The following ZNF804A variants were observed in gnomAD, a reference collection of about 807,000 sequenced individuals.
ZNF804A encodes the protein zinc finger protein 804A.
Under a neutral mutation model 16.5 loss-of-function variants are expected in ZNF804A, and 2 were observed. The ratio of observed to expected loss-of-function variants is 0.12; its 90% CI spans 0.05 to 0.38. The LOEUF (loss-of-function observed/expected upper bound fraction) is 0.38, where lower values mean the gene tolerates loss of function less well. Ranked by LOEUF, ZNF804A falls within the 10% of genes least tolerant of loss-of-function variation. The pLI is 0.99. For synonymous variants in ZNF804A, 534 were observed against 489.6 expected (o/e 1.09, Z -1.20); for missense variants, 1,473 against 1,390.7 (o/e 1.06, Z -0.94).
intron 1 of ZNF804A, among the ~76,000 whole-genome samples, chr2:184,773,795 T>C (rs1286528727): frequency 1.3e-5 from 2 of 151,826 alleles, no homozygotes; most frequent in Admixed American, 6.6e-5. Flanking sequence ...CCAAAATCCA[T>C]TGAAATAAAA....
chr2:184,718,685 A>G (rs569632521), intron 1 of ZNF804A, among the ~76,000 whole-genome samples: 2 of 152,248 alleles, frequency 1.3e-5, no homozygotes, highest in South Asian at 4.1e-4. Flanking sequence ...CCTTGACTCC[A>G]TGTCTCACAT....
intron 1 of ZNF804A, among the ~76,000 whole-genome samples, chr2:184,778,118 A>C (rs1283941486): frequency 1.3e-5 from 2 of 151,678 alleles, no homozygotes; most frequent in African/African-American, 4.8e-5. Flanking sequence ...TTATGCTGCA[A>C]AGTAGCTGTG....
intron 1 of ZNF804A, among the ~76,000 whole-genome samples, chr2:184,758,385 TAC>T (rs1693990326): frequency 2.0e-5 from 3 of 151,870 alleles, no homozygotes; most frequent in Non-Finnish European, 2.9e-5. Flanking sequence ...GTCACTACAC[TAC>T]TTTAGGTGTT....
intron 1 of ZNF804A, among the ~76,000 whole-genome samples, chr2:184,802,892 T>C (rs149352547): frequency 6.6e-6 from 1 of 152,320 alleles, no homozygotes; most frequent in East Asian, 1.9e-4. Context: ...ACTCAGACTT[T>C]AGATGTAAAT....
Position 184,671,427 on chromosome 2 carries a change from A to G in ZNF804A, c.111+72357A>G, listed in dbSNP as rs376029683. Among the ~76,000 whole-genome samples, 26 of 152,282 alleles carry G rather than the reference A, an allele frequency of 1.7e-4. 2 individuals carry two copies. The highest frequency in any genetic ancestry group is 6.0e-4 in the African/African-American group (25 of 41,560). On this transcript the variant is annotated intron_variant, in intron 1 of 3. Transcript: ENST00000302277. ...GCTGTGGATTCTTTCTTGAGTAGTT[A>G]CAAGAGACTGGGGAGTCCCTGCAGG...
intron 1 of ZNF804A, among the ~76,000 whole-genome samples, chr2:184,677,017 AC>A (rs1376428824): frequency 1.3e-5 from 2 of 151,862 alleles, no homozygotes; most frequent in African/African-American, 2.4e-5. Flanking sequence ...GGAGTTAAAA[AC>A]ATTGAACTTT....
At chr2:184,925,529 A>G (rs1314961274) in intron 2 of ZNF804A, among the ~76,000 whole-genome samples, 1 of 151,852 alleles carries the variant, frequency 6.6e-6, no homozygotes, top group Non-Finnish European at 1.5e-5. Context: ...AGTTTAGTCC[A>G]TGTATGCTTA....
At chr2:184,701,251 C>T (rs1474458252) in intron 1 of ZNF804A, among the ~76,000 whole-genome samples, 2 of 151,744 alleles carry the variant, frequency 1.3e-5, no homozygotes, top group Non-Finnish European at 3.0e-5. Context: ...GCCACAAAAA[C>T]AATGTTACGA....
chr2:184,762,486 A>T (rs571727499), intron 1 of ZNF804A, among the ~76,000 whole-genome samples: 1 of 152,104 alleles, frequency 6.6e-6, no homozygotes, highest in East Asian at 1.9e-4. Flanking sequence ...TTATAAAATT[A>T]AAAAATATTG....
intron 1 of ZNF804A, among the ~76,000 whole-genome samples, chr2:184,715,151 A>T (rs979155151): frequency 1.3e-5 from 2 of 152,124 alleles, no homozygotes; most frequent in African/African-American, 4.8e-5. Flanking sequence ...AGTCTTCAGG[A>T]TTCAAGATTC....
chr2:184,821,799 A>G (rs1365720136), intron 1 of ZNF804A, among the ~76,000 whole-genome samples: 1 of 152,182 alleles, frequency 6.6e-6, no homozygotes, highest in Non-Finnish European at 1.5e-5. Context: ...TGCGGCCAAC[A>G]AACATGAAAA....
At chr2:184,852,464 CTTTTTTTTT>C (rs550514423) in intron 1 of ZNF804A, among the ~76,000 whole-genome samples, 20 of 110,774 alleles carry the variant, frequency 1.8e-4, no homozygotes, top group African/African-American at 6.7e-4. Context: ...TTTGACTATG[CTTTTTTTTT>C]TTTTTTTTTG....
intron 1 of ZNF804A, among the ~76,000 whole-genome samples, chr2:184,718,710 T>C (rs1693252200): frequency 6.6e-6 from 1 of 152,158 alleles, no homozygotes; most frequent in Admixed American, 6.5e-5. Flanking sequence ...GTCACGCTGA[T>C]ACAAGAAGTG....
chr2:184,903,000 A>T (rs1685211184), intron 2 of ZNF804A, among the ~76,000 whole-genome samples: 1 of 152,176 alleles, frequency 6.6e-6, no homozygotes, highest in South Asian at 2.1e-4. Flanking sequence ...CAGTTTCCCT[A>T]GAAAAAAATT....
At chr2:184,747,901 AGTATTTGGT>A (rs1252453115) in intron 1 of ZNF804A, among the ~76,000 whole-genome samples, 2 of 151,330 alleles carry the variant, frequency 1.3e-5, no homozygotes, top group South Asian at 2.1e-4. Context: ...AAGAACATGC[AGTATTTGGT>A]TTTCTCTTCC....
chr2:184,895,064 G>T (rs1027140959), intron 2 of ZNF804A, among the ~76,000 whole-genome samples: 1 of 151,992 alleles, frequency 6.6e-6, no homozygotes, highest in Non-Finnish European at 1.5e-5. Context: ...TGCTTCAATG[G>T]CACATTGTGG....
intron 1 of ZNF804A, among the ~76,000 whole-genome samples, chr2:184,616,927 A>G (rs926903171): frequency 1.3e-5 from 2 of 152,074 alleles, no homozygotes; most frequent in African/African-American, 2.4e-5. Context: ...TTCAGTGGAC[A>G]TGTTCCTGAA....
chr2:184,869,127 C>G (rs1396937196), intron 2 of ZNF804A, among the ~76,000 whole-genome samples: 7 of 151,812 alleles, frequency 4.6e-5, no homozygotes, highest in Non-Finnish European at 7.4e-5. Flanking sequence ...TGCAGATATC[C>G]CAAAATCTGA....
chr2:184,811,525 C>T (rs912701180), intron 1 of ZNF804A, among the ~76,000 whole-genome samples: 14 of 151,960 alleles, frequency 9.2e-5, no homozygotes, highest in Admixed American at 3.3e-4. Flanking sequence ...TAAAAATACA[C>T]GCATTATAGT....
Sources: gnomAD v4.1 joint callset for allele counts (sites outside exome capture counted in the v4.1 genomes callset) on GRCh38, gnomAD v4.1.1 for gene constraint, MANE v1.5 for transcripts, NCBI Gene and HGNC (gene_info 2026-07-23, HGNC 2026-07-21) for gene names.